GCNT3: variants seen among roughly 807,000 people sequenced by gnomAD.
GCNT3 encodes beta-1,3-galactosyl-O-glycosyl-glycoprotein beta-1,6-N-acetylglucosaminyltransferase 3.
For missense variants in GCNT3, 708 were observed against 530.3 expected, an observed-to-expected ratio of 1.34 and a Z score of -3.29; for synonymous variants, 269 against 195.2, an observed-to-expected ratio of 1.38 and a Z score of -3.15.
Position 59,618,544 on chromosome 15 carries a change from C to G in GCNT3, c.306C>G (p.His102Gln), listed in dbSNP as rs539771621. The G allele has an allele frequency of 6.2e-7, 1 of 1,614,168 alleles. No individual in the cohort carries two copies. The highest frequency in any genetic ancestry group is 8.5e-7 in the Non-Finnish European group (1 of 1,180,010). The change falls in exon 3 of 3, where the codon CAC (histidine) becomes CAG (glutamine). Residue 102 changes from histidine to glutamine, a missense_variant. His to Gln is a conservative substitution (Grantham distance 24). Transcript: ENST00000396065. ...AGCGAGAGCCTTTCACAGACACCCA[C>G]TACCTCTCCCTCACCAGAGACTGTG... ...KKKREPFTDT[H>Q]YLSLTRDCEH...
At position 59,618,355 on chromosome 15, in the gene GCNT3, C is replaced by T; in HGVS notation, c.117C>T (p.His39=). The change falls in exon 3 of 3, where the codon CAC becomes CAT. Residue 39 remains histidine (H), a synonymous_variant. Coordinates refer to ENST00000396065, the MANE Select transcript of GCNT3 (RefSeq NM_004751.3). The stretch of plus-strand genomic sequence containing the variant: ...TCAGGTTGAAGTGTGACTCTGACCA[C>T]TTGGGTCTGGAGTCCAGGGAATCTC... The part of the protein sequence containing the change: ...LSFRLKCDSD[H]LGLESRESQS... The T allele has an allele frequency of 1.2e-6, 2 of 1,613,946 alleles. No homozygotes were observed.
At chr15:59,612,040 C>G (rs1274559511) in intron 1 of GCNT3, 59 bp downstream of exon 1, 5 of 152,212 alleles carry the variant, frequency 3.3e-5, no homozygotes, top group African/African-American at 1.2e-4. Context: ...GTAAATTCAG[C>G]TTAAGATGAA....
rs1275858073 is a variant in GCNT3 at position 59,621,517 on chromosome 15, A to G, written c.*1962A>G. ...TGGAAAGGTGATTTATATGCAAGTT[A>G]ATTGGTGTAATCTGAAGGATGCTCC... On this transcript the variant is annotated 3_prime_UTR_variant, in exon 3 of 3. Coordinates refer to ENST00000396065, the MANE Select transcript of GCNT3 (RefSeq NM_004751.3). 2 of 149,974 alleles carry G rather than the reference A, an allele frequency of 1.3e-5. No individual in the cohort carries two copies. The highest frequency in any genetic ancestry group is 3.0e-5 in the Non-Finnish European group (2 of 67,662). The allele number at this position is 149,974 out of a possible 1,614,324, so 9.3% of individuals were successfully genotyped here.
rs781019842 is a variant in GCNT3, at chr15:59,616,336, C to G, written c.-250-356C>G. Reference sequence around the variant, plus strand: ...CCTTGAAGAGTATTTTTATTCCCACCTCTTGTAATGTTCAGGGAACATGAG... The same window carrying G: ...CCTTGAAGAGTATTTTTATTCCCACGTCTTGTAATGTTCAGGGAACATGAG... On this transcript the variant is annotated intron_variant, in intron 1 of 2. Transcript: ENST00000396065. 2.0e-5 allele frequency: 3 copies of G among 152,100 alleles called. No individual in the cohort carries two copies. In the East Asian group the frequency reaches 5.8e-4, roughly 29 times the overall value. The allele number at this position is 152,100 out of a possible 1,614,324, so 9.4% of individuals were successfully genotyped here.
chr15:59,612,358 A>G (rs948298544), intron 1 of GCNT3, among the ~76,000 whole-genome samples: 22 of 152,220 alleles, frequency 1.4e-4, no homozygotes, highest in Non-Finnish European at 2.5e-4. Flanking sequence ...GCATTATAGT[A>G]GTAGTCATTG....
At chr15:59,618,106 A>G (rs548312282) in intron 2 of GCNT3, 73 bp from the exon 3 acceptor site, 88 of 600,150 alleles carry the variant, frequency 1.5e-4, no homozygotes, top group Middle Eastern at 1.4e-3. Flanking sequence ...ATTTTTTGCC[A>G]TCAGTTTGGA....
rs1364697682 is a variant in GCNT3, at chr15:59,621,178, C to G, written c.*1623C>G. The G allele has an allele frequency of 2.0e-5, 3 of 151,878 alleles. No individual in the cohort carries two copies. Among genetic ancestry groups the G allele is most frequent in the African/African-American group, 7.3e-5 (3 of 41,306 alleles). 9.4% of individuals were successfully genotyped at this position (151,878 alleles called of 1,614,324 possible). A position where few individuals can be genotyped will look rare whatever the true frequency, so the allele number is the denominator to read the frequency against. On this transcript the variant is annotated 3_prime_UTR_variant, in exon 3 of 3. Transcript: ENST00000396065. ...GGGATTACAGGTGTGAGCCACCATGCCTGGTCCCCTCTTGAGTCAAAACTC... is the reference window on the plus strand; with the variant it reads ...GGGATTACAGGTGTGAGCCACCATGGCTGGTCCCCTCTTGAGTCAAAACTC...
chr15:59,619,594 C>CA lies in GCNT3; in HGVS notation c.*40dup, dbSNP rs748744491. 1.6e-6 allele frequency: 2 copies of CA among 1,264,996 alleles called. No homozygotes were observed. The highest frequency in any genetic ancestry group is 3.0e-5 in the African/African-American group (2 of 67,736). The allele number at this position is 1,264,996 out of a possible 1,614,324, so 78.4% of individuals were successfully genotyped here. A position where few individuals can be genotyped will look rare whatever the true frequency, so the allele number is the denominator to read the frequency against. ...AGCGTTGCTACCTGTGGGGCAAGAGCATGTACAAACATGCTCAGAACTTGC... is the reference window on the plus strand; with the variant it reads ...AGCGTTGCTACCTGTGGGGCAAGAGCAATGTACAAACATGCTCAGAACTTGC... On this transcript the variant is annotated 3_prime_UTR_variant, in exon 3 of 3. Transcript: ENST00000396065.
At chr15:59,617,668 C>T (rs756144874) in intron 2 of GCNT3, among the ~76,000 whole-genome samples, 1 of 152,158 alleles carries the variant, frequency 6.6e-6, no homozygotes, top group African/African-American at 2.4e-5. Context: ...GATGTCACAT[C>T]TGACCAATGA....
intron 1 of GCNT3, among the ~76,000 whole-genome samples, chr15:59,613,386 A>C (rs1004660441): frequency 6.6e-6 from 1 of 151,802 alleles, no homozygotes; most frequent in African/African-American, 2.4e-5. Flanking sequence ...CACATAACCA[A>C]CTTACTTTGG....
rs1440045612 is a variant in GCNT3, at chr15:59,619,660, G to T, written c.*105G>T. 2 of 749,654 alleles carry T rather than the reference G, an allele frequency of 2.7e-6. No individual in the cohort carries two copies. The highest frequency in any genetic ancestry group is 4.6e-6 in the Non-Finnish European group (2 of 434,270). The allele number at this position is 749,654 out of a possible 1,614,324, so 46.4% of individuals were successfully genotyped here. A position where few individuals can be genotyped will look rare whatever the true frequency, so the allele number is the denominator to read the frequency against. On this transcript the variant is annotated 3_prime_UTR_variant, in exon 3 of 3. Transcript: ENST00000396065. ...GGGAGACCAGGGCTTTGCAATTCGT[G>T]GCATCCTTTAGGATAAGAGGGCTGC...
Position 59,618,913 on chromosome 15 carries a change from T to C in GCNT3, c.675T>C (p.Asn225=). The change falls in exon 3 of 3, where the codon AAT becomes AAC. Residue 225 remains asparagine, a synonymous_variant. Coordinates refer to ENST00000396065, the MANE Select transcript of GCNT3 (RefSeq NM_004751.3). ...QSSVPWKYFL[N]TCGTDFPIKS... Reference sequence around the variant, plus strand: ...CAGTGCCGTGGAAATACTTCCTGAATACATGTGGGACGGACTTTCCTATAA... The same window carrying C: ...CAGTGCCGTGGAAATACTTCCTGAACACATGTGGGACGGACTTTCCTATAA... The C allele has an allele frequency of 6.2e-7, 1 of 1,614,124 alleles. No individual in the cohort carries two copies. Among genetic ancestry groups the C allele is most frequent in the East Asian group, 2.2e-5 (1 of 44,878 alleles).
intron 2 of GCNT3, among the ~76,000 whole-genome samples, chr15:59,617,174 C>CTTTTTTTTTTTTTT (rs1339999286): frequency 7.6e-6 from 1 of 132,330 alleles, no homozygotes; most frequent in Non-Finnish European, 1.6e-5. Context: ...TGTTTTCTTT[C>CTTTTTTTTTTTTTT]TTTCTTTTTT....
In GCNT3 at chr15:59,621,060, T is replaced by C. The variant is rs1474023437; in HGVS notation, c.*1505T>C. 1 of 151,520 alleles carries C rather than the reference T, an allele frequency of 6.6e-6. No homozygotes were observed. The highest frequency in any genetic ancestry group is 1.5e-5 in the Non-Finnish European group (1 of 67,904). The allele number at this position is 151,520 out of a possible 1,614,324, so 9.4% of individuals were successfully genotyped here. The stretch of plus-strand genomic sequence containing the variant: ...ACCATGCCCAGCTGATTTTTGTGTA[T>C]TTTTAGTAAAGATGGGGTTTCACCA... On this transcript the variant is annotated 3_prime_UTR_variant, in exon 3 of 3. Coordinates refer to ENST00000396065, the MANE Select transcript of GCNT3 (RefSeq NM_004751.3).
rs1231773762 is a variant in GCNT3 at position 59,620,730 on chromosome 15, A to G, written c.*1175A>G. 2 of 167,026 alleles carry G rather than the reference A, an allele frequency of 1.2e-5. No individual in the cohort carries two copies. Among genetic ancestry groups the G allele is most frequent in the African/African-American group, 4.8e-5 (2 of 41,414 alleles). 10.3% of individuals were successfully genotyped at this position (167,026 alleles called of 1,614,324 possible). A position where few individuals can be genotyped will look rare whatever the true frequency, so the allele number is the denominator to read the frequency against. On this transcript the variant is annotated 3_prime_UTR_variant, in exon 3 of 3. Coordinates refer to ENST00000396065, the MANE Select transcript of GCNT3 (RefSeq NM_004751.3). ...AATCAGGTAAGGTAATGTGTAATTC[A>G]TTATTCAAAGTGGAACATGTTTTTG...
chr15:59,617,083 C>T (rs184413694), intron 2 of GCNT3, among the ~76,000 whole-genome samples: 45 of 151,148 alleles, frequency 3.0e-4, no homozygotes, highest in African/African-American at 1.1e-3. Flanking sequence ...ATTCAGTACC[C>T]TTTATTGTAT....
intron 1 of GCNT3, chr15:59,616,311 C>T (rs1368236550): frequency 6.6e-6 from 1 of 152,046 alleles, no homozygotes. Context: ...AAAGAAAAAT[C>T]CTTGAAGAGT....
chr15:59,612,103 C>T (rs568366607), intron 1 of GCNT3, 122 bp downstream of exon 1: 7 of 152,190 alleles, frequency 4.6e-5, no homozygotes, highest in South Asian at 4.1e-4. Context: ...TAGGATTCCT[C>T]GAGCCTCCGT....
chr15:59,619,562 C>T lies in GCNT3; in HGVS notation c.*7C>T. The T allele has an allele frequency of 6.6e-7, 1 of 1,519,722 alleles. No individual in the cohort carries two copies. The highest frequency in any genetic ancestry group is 9.0e-7 in the Non-Finnish European group (1 of 1,105,884). 94.1% of individuals were successfully genotyped at this position (1,519,722 alleles called of 1,614,324 possible). ...CTATGGGACTGAACTTTGAGACACA[C>T]TATGAGAGCGTTGCTACCTGTGGGG... On this transcript the variant is annotated 3_prime_UTR_variant, in exon 3 of 3. Transcript: ENST00000396065.
Sources: allele counts gnomAD v4.1 joint callset (sites outside exome capture counted in the v4.1 genomes callset), GRCh38; gene constraint gnomAD v4.1.1; transcripts MANE v1.5; gene names NCBI Gene and HGNC (gene_info 2026-07-23, HGNC 2026-07-21).